The following DSCAM variants were observed in gnomAD, a reference collection of about 807,000 sequenced individuals.
DSCAM encodes the protein cell adhesion molecule DSCAM.
A neutral mutation model predicts 217.7 loss-of-function variants in DSCAM; 47 were observed. The observed-to-expected ratio is 0.22, with a 90% CI of 0.17 to 0.28. The LOEUF is 0.28. Among genes scored for constraint, DSCAM ranks in the 10% least tolerant of loss-of-function variants. The pLI is 1.00. For synonymous variants in DSCAM, 1,056 were observed against 1,015.3 expected (o/e 1.04, Z -0.76); for missense variants, 2,080 against 2,618.3 (o/e 0.79, Z 4.49).
At chr21:40,660,323 A>T (rs972659005) in intron 3 of DSCAM, among the ~76,000 whole-genome samples, 6 of 152,206 alleles carry the variant, frequency 3.9e-5, no homozygotes, top group African/African-American at 1.4e-4. Flanking sequence ...TCAAAGGAGG[A>T]GGGAGAGAGG....
intron 3 of DSCAM, among the ~76,000 whole-genome samples, chr21:40,573,791 A>G (rs1262917819): frequency 6.6e-6 from 1 of 152,170 alleles, no homozygotes; most frequent in Non-Finnish European, 1.5e-5. Flanking sequence ...TATCAGTAAT[A>G]AAAGTAGTAG....
chr21:40,424,230 C>T (rs1433355358), intron 3 of DSCAM, among the ~76,000 whole-genome samples: 1 of 152,114 alleles, frequency 6.6e-6, no homozygotes, highest in Non-Finnish European at 1.5e-5. Flanking sequence ...TCATGGCAGA[C>T]CCCTAACCTG....
At chr21:40,400,733 T>A (rs1336184796) in intron 3 of DSCAM, among the ~76,000 whole-genome samples, 1 of 152,222 alleles carries the variant, frequency 6.6e-6, no homozygotes, top group Non-Finnish European at 1.5e-5. Flanking sequence ...GGTAATTTCT[T>A]AAAGGTTAGT....
intron 28 of DSCAM, among the ~76,000 whole-genome samples, chr21:40,061,008 C>T (rs1248010249): frequency 1.3e-5 from 2 of 152,120 alleles, no homozygotes; most frequent in Non-Finnish European, 2.9e-5. Context: ...GATGAAGTAC[C>T]CCTTATGAAG....
At chr21:40,759,640 G>C (rs1424721322) in intron 1 of DSCAM, among the ~76,000 whole-genome samples, 1 of 152,138 alleles carries the variant, frequency 6.6e-6, no homozygotes. Context: ...CAGTTGGGTT[G>C]ATTGCTGGGG....
intron 3 of DSCAM, among the ~76,000 whole-genome samples, chr21:40,624,564 G>C (rs1218649023): frequency 2.0e-5 from 3 of 152,192 alleles, no homozygotes; most frequent in Non-Finnish European, 4.4e-5. Flanking sequence ...TGATGCTTGG[G>C]AGCAGGGTCT....
At chr21:40,784,319 G>A (rs193030278) in intron 1 of DSCAM, among the ~76,000 whole-genome samples, 143 of 152,174 alleles carry the variant, frequency 9.4e-4, no homozygotes, top group African/African-American at 3.3e-3. Context: ...TACCCCTTTC[G>A]CTAGGCTCTG....
intron 27 of DSCAM, among the ~76,000 whole-genome samples, chr21:40,064,096 A>C (rs2089169007): frequency 1.3e-5 from 2 of 150,502 alleles, no homozygotes; most frequent in Non-Finnish European, 2.9e-5. Context: ...TCTTTCCCTG[A>C]ATGATTTAAC....
At chr21:40,796,448 T>C (rs1023563761) in intron 1 of DSCAM, among the ~76,000 whole-genome samples, 2 of 152,244 alleles carry the variant, frequency 1.3e-5, no homozygotes, top group Non-Finnish European at 2.9e-5. Flanking sequence ...ACAGAGACTA[T>C]AGGGGTGACT....
intron 2 of DSCAM, among the ~76,000 whole-genome samples, chr21:40,706,180 C>CAAA (rs560131166): frequency 0.041 from 4,095 of 99,288 alleles, 142 homozygotes; most frequent in African/African-American, 0.09. Flanking sequence ...ACTCCAGTCT[C>CAAA]AAAAAAAAAA....
At chr21:40,112,742 C>A (rs573787611) in intron 20 of DSCAM, among the ~76,000 whole-genome samples, 1 of 152,188 alleles carries the variant, frequency 6.6e-6, no homozygotes, top group East Asian at 1.9e-4. Context: ...ATATCACCAC[C>A]AATCCCACAG....
chr21:40,191,266 C>T (rs2090949963), intron 11 of DSCAM, among the ~76,000 whole-genome samples: 1 of 152,178 alleles, frequency 6.6e-6, no homozygotes, highest in South Asian at 2.1e-4. Flanking sequence ...GGGAGTTTCT[C>T]TAGAGTCAGC....
chr21:40,568,336 T>C (rs1468416974), intron 3 of DSCAM, among the ~76,000 whole-genome samples: 4 of 152,218 alleles, frequency 2.6e-5, no homozygotes, highest in East Asian at 3.8e-4. Context: ...TTAAGATTGC[T>C]GGTCTAGTTG....
intron 1 of DSCAM, among the ~76,000 whole-genome samples, chr21:40,759,987 ATTTATTTAT>A (rs1239975179): frequency 6.7e-5 from 10 of 149,034 alleles, no homozygotes; most frequent in East Asian, 2.0e-4. Context: ...TTATTTATTT[ATTTATTTAT>A]TTATTTATTT....
intron 11 of DSCAM, among the ~76,000 whole-genome samples, chr21:40,260,920 AC>A (rs1395974937): frequency 6.6e-6 from 1 of 152,234 alleles, no homozygotes; most frequent in Admixed American, 6.5e-5. Flanking sequence ...GGGAACTCCC[AC>A]CTGGGCCTTG....
At position 40,087,255 on chromosome 21, in the gene DSCAM, C is replaced by T. The variant is rs776067696; in HGVS notation, c.3883G>A (p.Val1295Met). The T allele has an allele frequency of 4.2e-5, 68 of 1,614,028 alleles. 2 individuals carry two copies. In the South Asian group the frequency reaches 4.6e-4, roughly 11 times the overall value. Residue 1295 changes from valine (V) to methionine (M), a missense_variant, in exon 22 of 33, where the codon GTG (valine) becomes ATG (methionine). Coordinates refer to ENST00000400454, the MANE Select transcript of DSCAM (RefSeq NM_001389.5). ...PARILTFSGT[V>M]TTPWMKDIVL... is the part of the protein sequence containing the mutation. ...ATGTCTTTCATCCATGGAGTAGTCA[C>T]TGTCCCACTGAAGGTCAGGATTCGT...
chr21:40,153,316 G>A (rs975496331), intron 16 of DSCAM, among the ~76,000 whole-genome samples: 1 of 152,214 alleles, frequency 6.6e-6, no homozygotes, highest in Non-Finnish European at 1.5e-5. Flanking sequence ...CAGTGCTGAA[G>A]GTTTGCCCAG....
intron 3 of DSCAM, among the ~76,000 whole-genome samples, chr21:40,497,381 C>A (rs1176214841): frequency 2.2e-5 from 3 of 137,490 alleles, no homozygotes; most frequent in Admixed American, 7.7e-5. Flanking sequence ...ACACAAATGA[C>A]AAACACTGCT....
intron 3 of DSCAM, among the ~76,000 whole-genome samples, chr21:40,644,062 A>T (rs187988044): frequency 3.3e-4 from 50 of 152,292 alleles, no homozygotes; most frequent in African/African-American, 1.2e-3. Flanking sequence ...CAGCCCAGAC[A>T]TTCTAATTCA....
Sources: gnomAD v4.1 joint callset for allele counts (sites outside exome capture counted in the v4.1 genomes callset) on GRCh38, gnomAD v4.1.1 for gene constraint, MANE v1.5 for transcripts, NCBI Gene and HGNC (gene_info 2026-07-23, HGNC 2026-07-21) for gene names.